GLRA1: variants seen among roughly 807,000 people sequenced by gnomAD.
The protein encoded by GLRA1 is glycine receptor subunit alpha-1.
In GLRA1, 37 loss-of-function variants were observed where a neutral mutation model predicts 48.3. The observed-to-expected ratio is 0.77, with a 90% CI of 0.59 to 1.01. GLRA1 has a LOEUF of 1.01. GLRA1 is among the 50% of genes least tolerant of loss of function. The probability of loss-of-function intolerance (pLI) is 0.00; values close to 1 mark genes in which losing one functional copy is unlikely to be tolerated. For missense variants in GLRA1, 427 were observed against 571.0 expected (o/e 0.75, Z 2.57); for synonymous variants, 196 against 210.7 (o/e 0.93, Z 0.60).
At chr5:151,855,505 A>T (rs1022402060) in intron 5 of GLRA1, among the ~76,000 whole-genome samples, 3 of 150,538 alleles carry the variant, frequency 2.0e-5, no homozygotes, top group African/African-American at 7.4e-5. Flanking sequence ...CACAGCAGAT[A>T]CTCCTCTGTG....
intron 1 of GLRA1, among the ~76,000 whole-genome samples, chr5:151,922,346 A>T (rs1365645269): frequency 1.3e-5 from 2 of 152,272 alleles, no homozygotes; most frequent in Non-Finnish European, 2.9e-5. Context: ...AAATGAAAAT[A>T]CCAATTGAAC....
intron 1 of GLRA1, among the ~76,000 whole-genome samples, chr5:151,914,756 G>C (rs114147911): frequency 0.016 from 2,371 of 152,286 alleles, 54 homozygotes; most frequent in African/African-American, 0.053. Flanking sequence ...TTTATAATGG[G>C]GGTGGGAGCT....
rs747505123 is a variant in GLRA1 at position 151,892,532 on chromosome 5, A to G, written c.57-94T>C. 346 of 1,354,730 alleles carry G rather than the reference A, an allele frequency of 2.6e-4. 1 individual carries two copies. The highest frequency in any genetic ancestry group is 3.3e-4 in the Non-Finnish European group (316 of 958,636). The allele number at this position is 1,354,730 out of a possible 1,614,324, so 83.9% of individuals were successfully genotyped here. A position where few individuals can be genotyped will look rare whatever the true frequency, so the allele number is the denominator to read the frequency against. ...CTTGTCCAACCTCTGTAGAACCACAAGAGTGTTCTTAGCTGGAGTAATATG... is the reference window on the plus strand; with the variant it reads ...CTTGTCCAACCTCTGTAGAACCACAGGAGTGTTCTTAGCTGGAGTAATATG... On this transcript the variant is annotated intron_variant, in intron 1 of 8. Coordinates refer to ENST00000274576, the MANE Select transcript of GLRA1 (RefSeq NM_000171.4).
intron 1 of GLRA1, among the ~76,000 whole-genome samples, chr5:151,898,275 G>A (rs954842974): frequency 1.3e-5 from 2 of 151,746 alleles, no homozygotes; most frequent in Admixed American, 6.6e-5. Context: ...TTGGAGGAAT[G>A]GGATTTTGTG....
In GLRA1 at chr5:151,828,922, T is replaced by C. The variant is rs764794082; in HGVS notation, c.1058A>G (p.Lys353Arg). Residue 353 changes from lysine to arginine, a missense_variant and splice_region_variant, in exon 8 of 9, where the codon AAG (lysine) becomes AGG (arginine). Lys to Arg is a conservative substitution (Grantham distance 26). Transcript: ENST00000274576. ...TTAGGCAGTGACCCAAAGGCCTACC[T>C]TGTGATGTCTCCGCTTCCTCCTGAA... Reference protein sequence around the residue: ...LRFRRKRRHHKEDEAGEGRFN... With the variant: ...LRFRRKRRHHREDEAGEGRFN... 5 of 1,613,930 alleles carry C rather than the reference T, an allele frequency of 3.1e-6. No individual in the cohort carries two copies. In the African/African-American group the frequency reaches 6.7e-5, roughly 22 times the overall value.
At chr5:151,858,740 C>T (rs1360861786) in intron 4 of GLRA1, among the ~76,000 whole-genome samples, 1 of 150,384 alleles carries the variant, frequency 6.6e-6, no homozygotes, top group Non-Finnish European at 1.5e-5. Context: ...GCCTCTCCCA[C>T]AGGCCTGGAC....
chr5:151,822,999 A>G, intron 8 of GLRA1, 36 bp from the exon 9 acceptor site: 1 of 1,556,282 alleles, frequency 6.4e-7, no homozygotes, highest in Non-Finnish European at 8.7e-7. Flanking sequence ...TACTTAAAAT[A>G]AGACAGGGGC....
At position 151,851,381 on chromosome 5, in the gene GLRA1, G is replaced by GCTCGAGAGCC; in HGVS notation, c.912+8_912+9insGGCTCTCGAG. 3 of 1,597,996 alleles carry GCTCGAGAGCC rather than the reference G, an allele frequency of 1.9e-6. No individual in the cohort carries two copies. The highest frequency in any genetic ancestry group is 2.6e-6 in the Non-Finnish European group (3 of 1,166,334). ...CAGGTGTTCTGTGCTCTTGGGCAATGGGACTTACCTTGGGCAGAGATGCTC... is the reference window on the plus strand; with the variant it reads ...CAGGTGTTCTGTGCTCTTGGGCAATGCTCGAGAGCCGGACTTACCTTGGGCAGAGATGCTC... On this transcript the variant is annotated intron_variant, in intron 7 of 8. Coordinates refer to ENST00000274576, the MANE Select transcript of GLRA1 (RefSeq NM_000171.4).
At chr5:151,850,664 CAGG>C in intron 7 of GLRA1, 3 of 1,344,230 alleles carry the variant, frequency 2.2e-6, no homozygotes, top group South Asian at 1.2e-5. Flanking sequence ...GACTGTTGGC[CAGG>C]AGAAGAAGGG....
intron 1 of GLRA1, among the ~76,000 whole-genome samples, chr5:151,911,127 C>T (rs1754598722): frequency 6.6e-6 from 1 of 152,202 alleles, no homozygotes; most frequent in East Asian, 1.9e-4. Flanking sequence ...ACCCAGTGGC[C>T]TTGAGCTCAA....
chr5:151,916,238 C>G (rs569054253), intron 1 of GLRA1, among the ~76,000 whole-genome samples: 62 of 152,128 alleles, frequency 4.1e-4, no homozygotes, highest in Non-Finnish European at 3.5e-4. Flanking sequence ...GGGATACTAA[C>G]CATTGTCCTA....
At chr5:151,864,252 T>C (rs981552678) in intron 3 of GLRA1, among the ~76,000 whole-genome samples, 3 of 152,172 alleles carry the variant, frequency 2.0e-5, no homozygotes, top group Non-Finnish European at 2.9e-5. Flanking sequence ...AGCTGCACTT[T>C]TGATGTTCTT....
In GLRA1 at chr5:151,879,223, C is replaced by T. The variant is rs371506133; in HGVS notation, c.252+7498G>A. On this transcript the variant is annotated intron_variant, in intron 3 of 8. Transcript: ENST00000274576. ...TGACTGTCCTACTGGATTTCAGACT[C>T]GCATGGGGCCTGTAGCCCCTTTGTT... 2.2e-4 allele frequency among the ~76,000 whole-genome samples: 33 copies of T among 152,262 alleles called. No homozygotes were observed. In the South Asian group the frequency reaches 4.8e-3, roughly 22 times the overall value.
intron 7 of GLRA1, among the ~76,000 whole-genome samples, chr5:151,835,575 A>G (rs561375081): frequency 6.6e-6 from 1 of 152,332 alleles, no homozygotes; most frequent in East Asian, 1.9e-4. Flanking sequence ...ATTACTGGCA[A>G]ACTGAATCCA....
chr5:151,890,430 G>C (rs1017750535), intron 2 of GLRA1, among the ~76,000 whole-genome samples: 1 of 152,236 alleles, frequency 6.6e-6, no homozygotes, highest in Non-Finnish European at 1.5e-5. Flanking sequence ...CCACCAAGGG[G>C]CGTGGTGGAC....
chr5:151,863,576 A>C (rs1753257279), intron 3 of GLRA1, among the ~76,000 whole-genome samples: 1 of 152,100 alleles, frequency 6.6e-6, no homozygotes, highest in African/African-American at 2.4e-5. Context: ...GGATCTCCCA[A>C]AGGGTCTATA....
rs943081658 is a variant in GLRA1, at chr5:151,889,870, GC to G, written c.184+2440del. Reference sequence around the variant, plus strand: ...GGGCAGAGAAAACTTCTCAGCTCCTGCGGTGGGGCTCCAGGAAGCTGCACCT... The same window carrying G: ...GGGCAGAGAAAACTTCTCAGCTCCTGGGTGGGGCTCCAGGAAGCTGCACCT... On this transcript the variant is annotated intron_variant, in intron 2 of 8. Transcript: ENST00000274576. Among the ~76,000 whole-genome samples, 47 of 152,254 alleles carry G rather than the reference GC, an allele frequency of 3.1e-4. 1 individual carries two copies. The highest frequency in any genetic ancestry group is 3.4e-3 in the Middle Eastern group (1 of 294).
intron 1 of GLRA1, among the ~76,000 whole-genome samples, chr5:151,920,945 G>GT (rs1298751031): frequency 5.3e-5 from 8 of 152,258 alleles, no homozygotes; most frequent in Admixed American, 1.3e-4. Context: ...AACTGGGTAG[G>GT]TTTTTTCTTT....
intron 6 of GLRA1, among the ~76,000 whole-genome samples, chr5:151,852,362 GCT>G: frequency 6.6e-6 from 1 of 152,318 alleles, no homozygotes; most frequent in Non-Finnish European, 1.5e-5. Flanking sequence ...ACAGAATGCT[GCT>G]CTTTTTCTGT....
Sources: allele counts gnomAD v4.1 joint callset (sites outside exome capture counted in the v4.1 genomes callset), GRCh38; gene constraint gnomAD v4.1.1; transcripts MANE v1.5; gene names NCBI Gene and HGNC (gene_info 2026-07-23, HGNC 2026-07-21).